COL5A3: variants seen among roughly 807,000 people sequenced by gnomAD.
COL5A3 encodes collagen alpha-3(V) chain.
Under a neutral mutation model 250.0 loss-of-function variants are expected in COL5A3, and 172 were observed. The ratio of observed to expected loss-of-function variants is 0.69; its 90% CI spans 0.61 to 0.78. COL5A3 has a LOEUF of 0.78. Among genes scored for constraint, COL5A3 ranks in the 30% least tolerant of loss-of-function variants. The pLI, the probability that COL5A3 is intolerant of heterozygous loss-of-function variation, is 0.00. For synonymous variants in COL5A3, 937 were observed against 900.4 expected, an observed-to-expected ratio of 1.04 and a Z score of -0.73; for missense variants, 2,340 against 2,334.4, an observed-to-expected ratio of 1.00 and a Z score of -0.05.
At chr19:9,961,538 T>C (rs1385353258) in intron 65 of COL5A3, among the ~76,000 whole-genome samples, 1 of 150,140 alleles carries the variant, frequency 6.7e-6, no homozygotes, top group Non-Finnish European at 1.5e-5. Context: ...CTGGGACTTT[T>C]TTTTTTTTTA....
In COL5A3 at chr19:9,991,782, T is replaced by C. The variant is rs2087194916; in HGVS notation, c.1947+6A>G. 3 of 1,603,954 alleles carry C rather than the reference T, an allele frequency of 1.9e-6. No individual in the cohort carries two copies. Among genetic ancestry groups the C allele is most frequent in the Non-Finnish European group, 2.6e-6 (3 of 1,175,334 alleles). Reference sequence around the variant, plus strand: ...ATGCCCCATTATTGGGAAAGACAGTTCAAACCTGGGACCCATGGTTTCCCT... The same window carrying C: ...ATGCCCCATTATTGGGAAAGACAGTCCAAACCTGGGACCCATGGTTTCCCT... On this transcript the variant is annotated splice_donor_region_variant and intron_variant, in intron 23 of 66. Coordinates refer to ENST00000264828, the MANE Select transcript of COL5A3 (RefSeq NM_015719.4).
chr19:9,999,683 G>A (rs2087329723), intron 8 of COL5A3, among the ~76,000 whole-genome samples: 1 of 151,826 alleles, frequency 6.6e-6, no homozygotes, highest in Non-Finnish European at 1.5e-5. Flanking sequence ...AGCCAGGATG[G>A]TCTCAATCTC....
chr19:10,007,964 ATCTC>A (rs142748775), intron 1 of COL5A3, among the ~76,000 whole-genome samples: 1 of 143,432 alleles, frequency 7.0e-6, no homozygotes, highest in African/African-American at 2.6e-5. Context: ...TCTCTTCTCA[ATCTC>A]TCTCTCTCTC....
chr19:9,969,565 C>G lies in COL5A3; in HGVS notation c.4098+10G>C. 6.2e-7 allele frequency: 1 copy of G among 1,610,520 alleles called. No individual in the cohort carries two copies. Among genetic ancestry groups the G allele is most frequent in the Non-Finnish European group, 8.5e-7 (1 of 1,178,460 alleles). On this transcript the variant is annotated intron_variant, in intron 56 of 66. Coordinates refer to ENST00000264828, the MANE Select transcript of COL5A3 (RefSeq NM_015719.4). ...TCCACCCTGTCCCACCCCTGCCCCG[C>G]TCCACTCACCACAGGGCCAGGGATC...
At chr19:9,982,180 C>T (rs1002362045) in intron 31 of COL5A3, 62 bp from the exon 32 acceptor site, 5 of 1,132,746 alleles carry the variant, frequency 4.4e-6, no homozygotes, top group Non-Finnish European at 3.8e-6. Flanking sequence ...GTGGAATTGG[C>T]CCCTCATACC....
intron 37 of COL5A3, 77 bp from the exon 38 acceptor site, chr19:9,979,494 T>C (rs1428080208): frequency 4.7e-6 from 7 of 1,504,472 alleles, no homozygotes; most frequent in Non-Finnish European, 6.5e-6. Context: ...GAAGGCCTGA[T>C]AGGATCAGGA....
At chr19:9,964,430 A>G (rs1012341976) in intron 64 of COL5A3, among the ~76,000 whole-genome samples, 3 of 152,056 alleles carry the variant, frequency 2.0e-5, no homozygotes, top group Non-Finnish European at 4.4e-5. Flanking sequence ...TGAGACCCTC[A>G]TCTCTATAAG....
At chr19:9,967,719 A>G (rs562813708) in intron 61 of COL5A3, 185 bp downstream of exon 61, 1 of 594,696 alleles carries the variant, frequency 1.7e-6, no homozygotes, top group African/African-American at 1.9e-5. Flanking sequence ...AAATAATGGT[A>G]CATCTTATAA....
chr19:9,991,552 C>T (rs751084111), intron 24 of COL5A3, 58 bp downstream of exon 24: 44 of 1,444,568 alleles, frequency 3.0e-5, no homozygotes, highest in Non-Finnish European at 4.0e-5. Flanking sequence ...ATTTTCCTGG[C>T]AACAGAGTTG....
chr19:9,968,797 G>A lies in COL5A3; in HGVS notation c.4153-69C>T, dbSNP rs1283853190. On this transcript the variant is annotated intron_variant, in intron 57 of 66. Transcript: ENST00000264828. This position sits in a 1 kb window ranked among gnomAD's most constrained non-coding sequence, Gnocchi z 4.1. ...CTCGAGGTCTGTGTGGGTGGTTAGGGGATGGTCAAATGGGAAATTATGCAG... is the reference window on the plus strand; with the variant it reads ...CTCGAGGTCTGTGTGGGTGGTTAGGAGATGGTCAAATGGGAAATTATGCAG... The A allele has an allele frequency of 6.5e-6, 9 of 1,374,338 alleles. No individual in the cohort carries two copies. The highest frequency in any genetic ancestry group is 9.1e-6 in the Non-Finnish European group (9 of 985,374). 85.1% of individuals were successfully genotyped at this position (1,374,338 alleles called of 1,614,324 possible).
intron 64 of COL5A3, among the ~76,000 whole-genome samples, chr19:9,963,606 T>A (rs2086701525): frequency 6.9e-6 from 1 of 144,170 alleles, no homozygotes; most frequent in African/African-American, 2.6e-5. Flanking sequence ...TTGCCCAGGC[T>A]GGTCTTGAAC....
At position 10,009,169 on chromosome 19, in the gene COL5A3, T is replaced by G. The variant is rs1198639513; in HGVS notation, c.88+1129A>C. On this transcript the variant is annotated intron_variant, in intron 1 of 66. Coordinates refer to ENST00000264828, the MANE Select transcript of COL5A3 (RefSeq NM_015719.4). The surrounding 1 kb of genome is among the most constrained non-coding windows in gnomAD (Gnocchi z 4.4). The stretch of plus-strand genomic sequence containing the variant: ...AGTAAGAAGTGTGCTGTGGTGTGTG[T>G]GTGTGTGTGTGTGTGTGTGTGTGTG... Among the ~76,000 whole-genome samples the G allele has an allele frequency of 7.6e-6, 1 of 131,184 alleles. No individual in the cohort carries two copies. Among genetic ancestry groups the G allele is most frequent in the African/African-American group, 3.6e-5 (1 of 27,572 alleles). The allele number at this position is 131,184 out of a possible 152,430, so 86.1% of individuals were successfully genotyped here. A position where few individuals can be genotyped will look rare whatever the true frequency, so the allele number is the denominator to read the frequency against.
At position 9,974,323 on chromosome 19, in the gene COL5A3, A is replaced by C. The variant is rs1599539223; in HGVS notation, c.3428T>G (p.Val1143Gly). The stretch of plus-strand genomic sequence containing the variant: ...CACCTGCAGTCCAGGAGGGCCAATC[A>C]CCCCCACAAAGCCTCTGACTCCGTC... The part of the protein sequence containing the change: ...GDDGVRGFVG[V>G]IGPPGLQGLP... Residue 1143 changes from valine (V) to glycine (G), a missense_variant, in exon 46 of 67, where the codon GTG (valine) becomes GGG (glycine). Transcript: ENST00000264828. 2 of 1,609,608 alleles carry C rather than the reference A, an allele frequency of 1.2e-6. No homozygotes were observed. The highest frequency in any genetic ancestry group is 1.7e-6 in the Non-Finnish European group (2 of 1,177,906).
intron 31 of COL5A3, among the ~76,000 whole-genome samples, chr19:9,982,513 C>T (rs960742211): frequency 2.0e-5 from 3 of 152,328 alleles, no homozygotes; most frequent in Non-Finnish European, 2.9e-5. Context: ...AGAACACTTG[C>T]GTTGAAATGA....
In COL5A3 at chr19:9,966,626, G is replaced by T. The variant is rs1019298477; in HGVS notation, c.4579C>A (p.Leu1527Met). The change falls in exon 63 of 67, where the codon CTG becomes ATG. Residue 1527 changes from leucine (L) to methionine (M), a missense_variant. Leu to Met is a conservative substitution (Grantham distance 15). Around this residue, in one of 3 missense-constraint regions of COL5A3, gnomAD observed 1,179 missense variants for 1,162.6 expected, o/e 1.01. Transcript: ENST00000264828. ...LASLTSLSLE[L>M]EQLRRPPGTA... ...CCGGGAGGACGCCGCAGCTGCTCCAGCTCCAAGCTCAGCGATGTGAGCGAG... is the reference window on the plus strand; with the variant it reads ...CCGGGAGGACGCCGCAGCTGCTCCATCTCCAAGCTCAGCGATGTGAGCGAG... 1.9e-6 allele frequency: 3 copies of T among 1,538,586 alleles called. No individual in the cohort carries two copies. The highest frequency in any genetic ancestry group is 2.6e-6 in the Non-Finnish European group (3 of 1,146,950).
At chr19:9,992,406 T>C (rs1446078782) in intron 21 of COL5A3, among the ~76,000 whole-genome samples, 1 of 148,042 alleles carries the variant, frequency 6.8e-6, no homozygotes, top group African/African-American at 2.5e-5. Context: ...CAAAACTCTG[T>C]CTAAAAAAAA....
chr19:9,971,060 T>C, intron 52 of COL5A3, 32 bp from the exon 53 acceptor site: 1 of 1,489,896 alleles, frequency 6.7e-7, no homozygotes, highest in Non-Finnish European at 8.9e-7. Context: ...TTGGGAGGGG[T>C]GATGAGGGTA....
intron 31 of COL5A3, among the ~76,000 whole-genome samples, chr19:9,984,608 T>C (rs1175327132): frequency 6.6e-6 from 1 of 152,144 alleles, no homozygotes; most frequent in Non-Finnish European, 1.5e-5. Context: ...AATAAAAGGA[T>C]CCTACAGTTT....
chr19:9,979,813 G>C (rs540282166), intron 37 of COL5A3, 26 bp downstream of exon 37: 3 of 1,566,336 alleles, frequency 1.9e-6, no homozygotes, highest in Non-Finnish European at 2.6e-6. Context: ...AAAGGATCAG[G>C]AATCAAAGGT....
Sources: gnomAD v4.1 joint callset for allele counts (sites outside exome capture counted in the v4.1 genomes callset) on GRCh38, gnomAD v4.1.1 for gene constraint, gnomAD v4.1.1 regional missense constraint, Gnocchi (gnomAD v3.1) non-coding constraint, MANE v1.5 for transcripts, NCBI Gene and HGNC (gene_info 2026-07-23, HGNC 2026-07-21) for gene names.